PHACTR1: variants seen among roughly 807,000 people sequenced by gnomAD.
PHACTR1 encodes the protein RPEL repeat containing 1.
Under a neutral mutation model 69.2 loss-of-function variants are expected in PHACTR1, and 16 were observed. The ratio of observed to expected loss-of-function variants is 0.23; its 90% confidence interval spans 0.16 to 0.35. The LOEUF (loss-of-function observed/expected upper bound fraction) is 0.35, where lower values mean the gene tolerates loss of function less well. Among genes scored for constraint, PHACTR1 ranks in the 10% least tolerant of loss-of-function variants. The probability of loss-of-function intolerance (pLI) is 1.00; values close to 1 mark genes in which losing one functional copy is unlikely to be tolerated. For synonymous variants in PHACTR1, 312 were observed against 284.5 expected, an observed-to-expected ratio of 1.10 and a Z score of -0.97; for missense variants, 510 against 734.7, an observed-to-expected ratio of 0.69 and a Z score of 3.54.
At position 12,945,583 on chromosome 6, in the gene PHACTR1, A is replaced by G. The variant is rs1343768276; in HGVS notation, c.251-107782A>G. ...TAAATGCTAATTCTTACGGGTTTCTAGAAAAAGAGGAATCTGGTGTTTAGG... is the reference window on the plus strand; with the variant it reads ...TAAATGCTAATTCTTACGGGTTTCTGGAAAAAGAGGAATCTGGTGTTTAGG... On this transcript the variant is annotated intron_variant, in intron 4 of 14. Transcript: ENST00000332995. Among the ~76,000 whole-genome samples, 5 of 152,310 alleles carry G rather than the reference A, an allele frequency of 3.3e-5. No homozygotes were observed. In the East Asian group the frequency reaches 5.8e-4, roughly 18 times the overall value.
chr6:12,922,541 A>T (rs954897053), intron 4 of PHACTR1, among the ~76,000 whole-genome samples: 1 of 152,226 alleles, frequency 6.6e-6, no homozygotes, highest in Non-Finnish European at 1.5e-5. Context: ...TGGAACAGCT[A>T]GATCGTGTTT....
At chr6:13,155,771 C>G (rs1322452128) in intron 5 of PHACTR1, among the ~76,000 whole-genome samples, 1 of 151,934 alleles carries the variant, frequency 6.6e-6, no homozygotes. Flanking sequence ...GCCTGTAATC[C>G]CAGCTACTGG....
chr6:12,838,266 G>A (rs563823468), intron 4 of PHACTR1, among the ~76,000 whole-genome samples: 38 of 152,326 alleles, frequency 2.5e-4, no homozygotes, highest in African/African-American at 8.4e-4. Flanking sequence ...AAAATCAGAA[G>A]GCAGGGATCA....
In PHACTR1 at chr6:12,946,119, G is replaced by A. The variant is rs113340224; in HGVS notation, c.251-107246G>A. ...TCTCACAAGACCAGTATTCTGAGGA[G>A]CATATATTGGGAAATGCCACAAAAG... On this transcript the variant is annotated intron_variant, in intron 4 of 14. Coordinates refer to ENST00000332995, the MANE Select transcript of PHACTR1 (RefSeq NM_030948.6). 2.1e-3 allele frequency among the ~76,000 whole-genome samples: 318 copies of A among 151,674 alleles called. 1 individual carries two copies. The highest frequency in any genetic ancestry group is 7.3e-3 in the African/African-American group (303 of 41,282).
chr6:13,212,053 T>A (rs992178243), intron 8 of PHACTR1, among the ~76,000 whole-genome samples: 2 of 152,172 alleles, frequency 1.3e-5, no homozygotes, highest in East Asian at 3.8e-4. Flanking sequence ...GTAGGTGGTG[T>A]CTTCTCTCTG....
intron 4 of PHACTR1, among the ~76,000 whole-genome samples, chr6:12,962,385 G>A (rs2127569630): frequency 6.6e-6 from 1 of 152,260 alleles, no homozygotes; most frequent in Middle Eastern, 3.4e-3. Context: ...ATTTAGGAGG[G>A]AGCACAATTT....
At chr6:13,104,542 T>A (rs1815772599) in intron 5 of PHACTR1, among the ~76,000 whole-genome samples, 1 of 152,220 alleles carries the variant, frequency 6.6e-6, no homozygotes, top group Non-Finnish European at 1.5e-5. Flanking sequence ...ATTTAGTTTT[T>A]TTAAAAGAGT....
rs140910739 is a variant in PHACTR1 at position 13,282,143 on chromosome 6, T to G, written c.1510-1279T>G. Among the ~76,000 whole-genome samples the G allele has an allele frequency of 3.6e-3, 554 of 152,322 alleles. 2 individuals carry two copies. The highest frequency in any genetic ancestry group is 0.013 in the African/African-American group (526 of 41,574). On this transcript the variant is annotated intron_variant, in intron 12 of 14. Coordinates refer to ENST00000332995, the MANE Select transcript of PHACTR1 (RefSeq NM_030948.6). ...TCGAAACTGCCAGGGTGGTTTGGACTCCATTGTGTTTGTTTTACGGGCCTG... is the reference window on the plus strand; with the variant it reads ...TCGAAACTGCCAGGGTGGTTTGGACGCCATTGTGTTTGTTTTACGGGCCTG...
intron 5 of PHACTR1, among the ~76,000 whole-genome samples, chr6:13,068,936 G>C (rs774159682): frequency 3.3e-5 from 5 of 152,116 alleles, no homozygotes; most frequent in Non-Finnish European, 7.4e-5. Context: ...GGGTATTTCC[G>C]AGAGTGAAAT....
intron 4 of PHACTR1, among the ~76,000 whole-genome samples, chr6:12,926,323 G>A (rs1428273813): frequency 6.6e-6 from 1 of 152,114 alleles, no homozygotes; most frequent in Admixed American, 6.5e-5. Context: ...CATTTCCTAA[G>A]ATTTTTGTCT....
At chr6:12,933,475 G>T (rs1439334564) in intron 4 of PHACTR1, among the ~76,000 whole-genome samples, 2 of 152,126 alleles carry the variant, frequency 1.3e-5, no homozygotes, top group African/African-American at 4.8e-5. Flanking sequence ...ACCAAAACAA[G>T]GAGAAACTAG....
chr6:13,217,255 G>A (rs960181946), intron 8 of PHACTR1, among the ~76,000 whole-genome samples: 3 of 152,120 alleles, frequency 2.0e-5, no homozygotes, highest in Non-Finnish European at 2.9e-5. Context: ...TGGGAGGTGG[G>A]CACCTAGGTT....
chr6:13,259,317 C>T (rs58875474), intron 10 of PHACTR1, among the ~76,000 whole-genome samples: 9,942 of 152,184 alleles, frequency 0.065, 626 homozygotes, highest in African/African-American at 0.16. Context: ...TTTTGTTTTT[C>T]AATGGATTTG....
intron 4 of PHACTR1, among the ~76,000 whole-genome samples, chr6:12,842,984 T>C (rs1425556091): frequency 1.3e-5 from 2 of 152,336 alleles, no homozygotes; most frequent in South Asian, 2.1e-4. Context: ...ATTTGACTTA[T>C]CTACCCTTTA....
At chr6:13,235,251 C>T (rs1012456040) in intron 10 of PHACTR1, among the ~76,000 whole-genome samples, 7 of 152,134 alleles carry the variant, frequency 4.6e-5, no homozygotes, top group Admixed American at 6.5e-5. Flanking sequence ...TCTAGATCTC[C>T]TCTTGGGATT....
chr6:13,015,328 T>A (rs1800022517), intron 4 of PHACTR1, among the ~76,000 whole-genome samples: 1 of 152,194 alleles, frequency 6.6e-6, no homozygotes, highest in African/African-American at 2.4e-5. Flanking sequence ...AGAGGAAAAC[T>A]GGGACGGCAC....
At chr6:12,899,319 T>C (rs1182370149) in intron 4 of PHACTR1, among the ~76,000 whole-genome samples, 1 of 152,172 alleles carries the variant, frequency 6.6e-6, no homozygotes, top group East Asian at 1.9e-4. Context: ...TGGGGAATAG[T>C]GATGGAAATA....
At chr6:13,084,525 A>T (rs1050093996) in intron 5 of PHACTR1, among the ~76,000 whole-genome samples, 13 of 151,982 alleles carry the variant, frequency 8.6e-5, no homozygotes, top group Non-Finnish European at 1.8e-4. Flanking sequence ...AAGTATAATT[A>T]AAAAAAAGAA....
At position 13,157,550 on chromosome 6, in the gene PHACTR1, A is replaced by T. The variant is rs146531942; in HGVS notation, c.416-2654A>T. ...CAGATGGCTGAGTGCTTAGCCTGAG[A>T]ACATCCACATTTCTCTTAATAGCTC... is the stretch of plus-strand genomic sequence containing the variant. On this transcript the variant is annotated intron_variant, in intron 5 of 14. Transcript: ENST00000332995. Among the ~76,000 whole-genome samples the T allele has an allele frequency of 2.0e-5, 3 of 152,312 alleles. No homozygotes were observed. In the East Asian group the frequency reaches 5.8e-4, roughly 29 times the overall value.
Sources: gnomAD v4.1 joint callset for allele counts (sites outside exome capture counted in the v4.1 genomes callset) on GRCh38, gnomAD v4.1.1 for gene constraint, MANE v1.5 for transcripts, NCBI Gene and HGNC (gene_info 2026-07-23, HGNC 2026-07-21) for gene names.